Variants in FRMPD4 observed in about 807,000 individuals in gnomAD.
FRMPD4 encodes FERM and PDZ domain-containing protein 4.
FRMPD4 carries 22 observed loss-of-function variants against 94.1 expected under a neutral mutation model. That is an observed-to-expected ratio of 0.23 (90% confidence interval 0.17 to 0.33). The LOEUF is 0.33. Ranked by LOEUF, FRMPD4 falls within the 10% of genes least tolerant of loss-of-function variation. The pLI is 1.00. For missense variants in FRMPD4, 1,111 were observed against 1,339.9 expected (o/e 0.83, Z 2.67); for synonymous variants, 631 against 548.6 (o/e 1.15, Z -2.10).
chrX:12,501,754 C>G (rs1468548864), intron 2 of FRMPD4, among the ~76,000 whole-genome samples: 1 of 110,974 alleles, frequency 9.0e-6, no homozygotes, highest in Non-Finnish European at 1.9e-5. Flanking sequence ...ACAGACAAAG[C>G]TATGGGAGGA....
upstream of FRMPD4, among the ~76,000 whole-genome samples, chrX:12,133,575 C>T (rs1431068699): frequency 1.8e-5 from 2 of 111,784 alleles, no homozygotes; most frequent in Non-Finnish European, 3.8e-5. Flanking sequence ...CAGGCGTGAG[C>T]CACCACGCCT....
At chrX:11,947,544 AAG>A (rs771762242) in intron 3 of FRMPD4, among the ~76,000 whole-genome samples, 3 of 111,941 alleles carry the variant, frequency 2.7e-5, no homozygotes, top group Non-Finnish European at 3.8e-5. Flanking sequence ...AAAGCAAAGA[AAG>A]AGAACATAAG....
Position 12,717,674 on chromosome X carries a change from C to T in FRMPD4, c.2848C>T (p.Gln950Ter). The T allele has an allele frequency of 8.3e-7, 1 of 1,211,157 alleles. No homozygotes were observed. The highest frequency in any genetic ancestry group is 1.1e-6 in the Non-Finnish European group (1 of 894,676). ...HEGYHPLAEE[Q>*]TEFPASKTPA... ...AGGCTACCACCCCCTTGCAGAAGAG[C>T]AGACCGAGTTCCCGGCCTCCAAGAC... Residue 950 changes from glutamine to a stop codon, truncating the protein, a stop_gained, in exon 16 of 17, where the codon CAG becomes TAG. Coordinates refer to ENST00000675598, the MANE Select transcript of FRMPD4 (RefSeq NM_001368397.1). LOFTEE classifies it high-confidence loss of function.
intron 1 of FRMPD4, among the ~76,000 whole-genome samples, chrX:12,453,005 A>C (rs1284107846): frequency 8.9e-6 from 1 of 112,294 alleles, no homozygotes; most frequent in Non-Finnish European, 1.9e-5. Flanking sequence ...GAATGTCCAA[A>C]AAGTGTAATT....
In FRMPD4 at chrX:12,699,654, T is replaced by C. The variant is rs757072342; in HGVS notation, c.934-2220T>C. On this transcript the variant is annotated intron_variant, in intron 9 of 16. Transcript: ENST00000675598. ...GAAAGGAGGCAAGCAAATCTTGATA[T>C]AGTTTTTCATTTGAGGCCAAGGGCC... Among the ~76,000 whole-genome samples the C allele has an allele frequency of 9.8e-5, 11 of 112,619 alleles. No individual in the cohort carries two copies. The Admixed American group carries it at 1.0e-3, about 11-fold the overall frequency.
intron 1 of FRMPD4, among the ~76,000 whole-genome samples, chrX:12,227,835 G>C (rs1381357328): frequency 9.1e-6 from 1 of 109,608 alleles, no homozygotes; most frequent in Non-Finnish European, 1.9e-5. Flanking sequence ...GAGAGAGAGA[G>C]AGAGAGAGAG....
chrX:12,275,238 G>A (rs999502265), intron 1 of FRMPD4, among the ~76,000 whole-genome samples: 2 of 109,882 alleles, frequency 1.8e-5, no homozygotes, highest in African/African-American at 3.3e-5. Context: ...GTGTGTGGCA[G>A]GCCCCTCCCC....
At position 12,265,660 on chromosome X, in the gene FRMPD4, A is replaced by C. The variant is rs186405628; in HGVS notation, c.41+126648A>C. Among the ~76,000 whole-genome samples the C allele has an allele frequency of 3.6e-5, 4 of 110,622 alleles. No individual in the cohort carries two copies. In the Admixed American group the frequency reaches 3.9e-4, roughly 11 times the overall value. ...CTGACTCATATAAGCAATATAAACA[A>C]ATATGTCATGTGGATAGATGTTCCA... On this transcript the variant is annotated intron_variant, in intron 1 of 16. Transcript: ENST00000675598.
intron 3 of FRMPD4, among the ~76,000 whole-genome samples, chrX:11,913,756 G>A (rs918208185): frequency 6.3e-5 from 7 of 111,954 alleles, no homozygotes; most frequent in Non-Finnish European, 1.9e-5. Flanking sequence ...ATCTGATTTT[G>A]TTTCAGTACT....
intron 3 of FRMPD4, among the ~76,000 whole-genome samples, chrX:11,903,125 A>T (rs1040670878): frequency 5.4e-5 from 6 of 112,118 alleles, no homozygotes; most frequent in African/African-American, 1.9e-4. Flanking sequence ...ACAGTCTTTG[A>T]GTGTGATTAC....
intron 1 of FRMPD4, among the ~76,000 whole-genome samples, chrX:12,328,808 G>A (rs1033585213): frequency 9.0e-6 from 1 of 111,594 alleles, no homozygotes; most frequent in Admixed American, 9.5e-5. Context: ...TGATCTTCAG[G>A]AGGGAACCTC....
intron 2 of FRMPD4, among the ~76,000 whole-genome samples, chrX:12,594,774 G>T (rs2148398619): frequency 9.0e-6 from 1 of 111,227 alleles, no homozygotes. Context: ...TCTTTCCCTG[G>T]GATTTGAATT....
intron 3 of FRMPD4, among the ~76,000 whole-genome samples, chrX:11,981,266 G>A (rs942069249): frequency 2.7e-5 from 3 of 111,300 alleles, no homozygotes; most frequent in African/African-American, 9.8e-5. Flanking sequence ...TGAATTTTTT[G>A]TCTATTTGAC....
intron 1 of FRMPD4, among the ~76,000 whole-genome samples, chrX:12,309,580 A>G (rs1180872970): frequency 9.0e-6 from 1 of 111,493 alleles, no homozygotes; most frequent in Non-Finnish European, 1.9e-5. Flanking sequence ...ACTTCTGCAC[A>G]GTGATGCAGA....
At chrX:11,921,604 G>A (rs2054056875) in intron 3 of FRMPD4, among the ~76,000 whole-genome samples, 1 of 111,968 alleles carries the variant, frequency 8.9e-6, no homozygotes, top group African/African-American at 3.2e-5. Context: ...AAGCTTAAAA[G>A]CTTTGCATAG....
Position 12,491,492 on chromosome X carries a change from T to G in FRMPD4, c.42-7188T>G, listed in dbSNP as rs527441006. 1.7e-4 allele frequency among the ~76,000 whole-genome samples: 19 copies of G among 112,220 alleles called. No individual in the cohort carries two copies. The South Asian group carries it at 7.0e-3, about 42-fold the overall frequency. On this transcript the variant is annotated intron_variant, in intron 1 of 16. Coordinates refer to ENST00000675598, the MANE Select transcript of FRMPD4 (RefSeq NM_001368397.1). ...CTACAACTTTGGTTTAATGTCTGAA[T>G]GCTATTCCATCATTGGATGAGCTGA...
At chrX:12,094,537 A>C (rs866240038) in intron 3 of FRMPD4, among the ~76,000 whole-genome samples, 1 of 111,778 alleles carries the variant, frequency 8.9e-6, no homozygotes, top group Non-Finnish European at 1.9e-5. Flanking sequence ...CCAACTTTTT[A>C]CCTTCAACTA....
chrX:11,830,845 G>A (rs1463549700), intron 1 of FRMPD4, among the ~76,000 whole-genome samples: 3 of 110,993 alleles, frequency 2.7e-5, no homozygotes, highest in African/African-American at 3.3e-5. Context: ...AAGTAATTGA[G>A]AGACTGCTTA....
intron 1 of FRMPD4, among the ~76,000 whole-genome samples, chrX:12,283,838 A>G (rs1370007113): frequency 8.9e-6 from 1 of 111,805 alleles, no homozygotes; most frequent in Non-Finnish European, 1.9e-5. Context: ...AATTATTAGT[A>G]ACCTTTATTG....
Sources: allele counts gnomAD v4.1 joint callset (sites outside exome capture counted in the v4.1 genomes callset), GRCh38; gene constraint gnomAD v4.1.1; transcripts MANE v1.5; gene names NCBI Gene and HGNC (gene_info 2026-07-23, HGNC 2026-07-21).